KRT6C: variants seen among roughly 807,000 people sequenced by gnomAD.
KRT6C encodes keratin 6C, also known as keratin, type II cytoskeletal 6C.
Under a neutral mutation model 49.4 loss-of-function variants are expected in KRT6C, and 46 were observed. The observed-to-expected ratio is 0.93, with a 90% CI of 0.74 to 1.19. The LOEUF is 1.19. Ranked by LOEUF, KRT6C falls within the 50% of genes most tolerant of loss-of-function variation. The pLI is 0.00. For missense variants in KRT6C, 552 were observed against 737.5 expected (o/e 0.75, Z 2.91); for synonymous variants, 236 against 297.1 (o/e 0.79, Z 2.12).
chr12:52,469,536 T>A, intron 7 of KRT6C, 91 bp from the exon 8 acceptor site: 1 of 1,612,854 alleles, frequency 6.2e-7, no homozygotes, highest in South Asian at 1.1e-5. Flanking sequence ...GAAGAGTCCA[T>A]GGGAAACTGC....
intron 6 of KRT6C, 137 bp downstream of exon 6, chr12:52,470,368 C>G (rs1296791201): frequency 3.3e-6 from 5 of 1,503,474 alleles, no homozygotes; most frequent in Non-Finnish European, 4.6e-6. Context: ...TGAGTTCTCA[C>G]TGAGGGCAAG....
Position 52,473,731 on chromosome 12 carries a change from T to C in KRT6C, c.7A>G (p.Ser3Gly). The change falls in exon 1 of 9, where the codon AGC becomes GGC. Residue 3 changes from serine (S) to glycine (G), a missense_variant. This residue lies in a region of KRT6C where 73 missense variants were observed against 102.1 expected (regional missense o/e 0.71). Coordinates refer to ENST00000252250, the MANE Select transcript of KRT6C (RefSeq NM_173086.5). ...TGGCTCCTGATGGTGGTGGATGTGC[T>C]GGCCATGGTTCCAGGAGATGAGAGG... The part of the protein sequence containing the change: MA[S>G]TSTTIRSHSS... 6.2e-7 allele frequency: 1 copy of C among 1,613,954 alleles called. No homozygotes were observed. The highest frequency in any genetic ancestry group is 8.5e-7 in the Non-Finnish European group (1 of 1,180,006).
chr12:52,473,052 C>G (rs1221195575), intron 1 of KRT6C, 146 bp downstream of exon 1: 2 of 1,300,076 alleles, frequency 1.5e-6, no homozygotes, highest in East Asian at 2.5e-5. Context: ...TGTGCTGCCT[C>G]CTGTGCACCG....
Position 52,470,628 on chromosome 12 carries a change from G to C in KRT6C, c.1080C>G (p.Tyr360Ter). Residue 360 changes from tyrosine (Y) to a stop codon, truncating the protein, a stop_gained and splice_region_variant, in exon 6 of 9, where the codon TAC becomes TAG. Coordinates refer to ENST00000252250, the MANE Select transcript of KRT6C (RefSeq NM_173086.5). LOFTEE classifies it high-confidence loss of function. ...AEAESWYQTKYEELQVTAGRH... is the reference protein window; with the variant it reads ...AEAESWYQTK ...TGCCTGCTGTGACCTGCAGCTCCTCGTACTGCAGCCCAGAGGTGGAGAGAG... is the reference window on the plus strand; with the variant it reads ...TGCCTGCTGTGACCTGCAGCTCCTCCTACTGCAGCCCAGAGGTGGAGAGAG... 1 of 1,613,892 alleles carries C rather than the reference G, an allele frequency of 6.2e-7. No homozygotes were observed. The highest frequency in any genetic ancestry group is 1.1e-5 in the South Asian group (1 of 91,066).
In KRT6C at chr12:52,469,510, G is replaced by A. The variant is rs1937834115; in HGVS notation, c.1425-65C>T. The A allele has an allele frequency of 2.5e-6, 4 of 1,613,778 alleles. No homozygotes were observed. The Admixed American group carries it at 6.7e-5, about 27-fold the overall frequency. ...CTCTTCCTTCCCTGGACCAGTGTGG[G>A]CAGCCTCGGTGGGTGGAAGAGTCCA... On this transcript the variant is annotated intron_variant, in intron 7 of 8. Coordinates refer to ENST00000252250, the MANE Select transcript of KRT6C (RefSeq NM_173086.5).
At chr12:52,471,378 C>T in intron 4 of KRT6C, 43 bp downstream of exon 4, 1 of 1,614,100 alleles carries the variant, frequency 6.2e-7, no homozygotes, top group Non-Finnish European at 8.5e-7. Context: ...CTCCCCTTTG[C>T]AGACCCCATC....
At chr12:52,469,634 A>G (rs1465258607) in intron 7 of KRT6C, 36 bp downstream of exon 7, 1 of 1,613,978 alleles carries the variant, frequency 6.2e-7, no homozygotes, top group Admixed American at 1.7e-5. Context: ...TTGAAGATGG[A>G]CTCAGCTGTT....
At chr12:52,471,324 C>T (rs202047708) in intron 4 of KRT6C, 28 bp from the exon 5 acceptor site, 1 of 1,614,244 alleles carries the variant, frequency 6.2e-7, no homozygotes. Flanking sequence ...ATAAGATCAA[C>T]TTCACATCTG....
intron 6 of KRT6C, 77 bp from the exon 7 acceptor site, chr12:52,469,967 G>T: frequency 6.5e-7 from 1 of 1,530,290 alleles, no homozygotes; most frequent in Non-Finnish European, 9.0e-7. Context: ...GTGAACCAGG[G>T]TCCTGTAACC....
Position 52,469,049 on chromosome 12 carries a change from T to G in KRT6C, c.*13A>C, listed in dbSNP as rs1416891522. 2 of 1,614,028 alleles carry G rather than the reference T, an allele frequency of 1.2e-6. No homozygotes were observed. The highest frequency in any genetic ancestry group is 3.3e-5 in the Admixed American group (2 of 60,010). On this transcript the variant is annotated 3_prime_UTR_variant, in exon 9 of 9. Transcript: ENST00000252250. ...GCCTGAGGACTGTGGGACCGAGAGC[T>G]GGAGGCAGCACTTTAGTGCTTGTAG...
At chr12:52,470,706 A>G in intron 5 of KRT6C, 76 bp from the exon 6 acceptor site, 4 of 1,612,294 alleles carry the variant, frequency 2.5e-6, no homozygotes, top group Non-Finnish European at 3.4e-6. Flanking sequence ...CTTGTGTATC[A>G]TGCATGTCAT....
chr12:52,470,983 C>G, intron 5 of KRT6C, 149 bp downstream of exon 5: 1 of 1,420,826 alleles, frequency 7.0e-7, no homozygotes, highest in Non-Finnish European at 9.9e-7. Flanking sequence ...ACATAAGTTC[C>G]CCAAATGTCT....
Position 52,473,805 on chromosome 12 carries a change from C to G in KRT6C, c.-68G>C, listed in dbSNP as rs1424507126. The G allele has an allele frequency of 1.9e-6, 3 of 1,610,088 alleles. No homozygotes were observed. The highest frequency in any genetic ancestry group is 2.2e-5 in the East Asian group (1 of 44,836). ...GAGGCGAGAGGCAGGAGAAGCAGGA[C>G]AAGGAATCGGGCTCCAGCAGTAGCT... is the stretch of plus-strand genomic sequence containing the variant. On this transcript the variant is annotated 5_prime_UTR_variant, in exon 1 of 9. Coordinates refer to ENST00000252250, the MANE Select transcript of KRT6C (RefSeq NM_173086.5).
rs752877742 is a variant in KRT6C, at chr12:52,473,741, T to C, written c.-4A>G. ...TGGTGGTGGATGTGCTGGCCATGGT[T>C]CCAGGAGATGAGAGGGCTGTGGCGA... On this transcript the variant is annotated 5_prime_UTR_variant, in exon 1 of 9. Transcript: ENST00000252250. 28 of 1,613,838 alleles carry C rather than the reference T, an allele frequency of 1.7e-5. No homozygotes were observed. Among genetic ancestry groups the C allele is most frequent in the Admixed American group, 1.5e-4 (9 of 59,978 alleles).
chr12:52,470,725 C>T, intron 5 of KRT6C, 95 bp from the exon 6 acceptor site: 1 of 1,611,316 alleles, frequency 6.2e-7, no homozygotes, highest in Non-Finnish European at 8.5e-7. Context: ...ATGAAGTGGA[C>T]CTAATGGCTT....
At chr12:52,471,051 T>C (rs1467677673) in intron 5 of KRT6C, 81 bp downstream of exon 5, 1 of 1,611,166 alleles carries the variant, frequency 6.2e-7, no homozygotes, top group Non-Finnish European at 8.5e-7. Context: ...TGTCAGGGGA[T>C]GTCCCCAGTG....
At chr12:52,471,330 A>C (rs199510987) in intron 4 of KRT6C, 34 bp from the exon 5 acceptor site, 1 of 1,614,104 alleles carries the variant, frequency 6.2e-7, no homozygotes, top group South Asian at 1.1e-5. Flanking sequence ...TCAACTTCAC[A>C]TCTGACATTT....
Position 52,471,425 on chromosome 12 carries a change from T to C in KRT6C, c.908A>G (p.Asp303Gly), listed in dbSNP as rs1475594410. ...AAGGATGGTGGAGATGCTTACTGCA[T>C]CATACAAGGCTCTCAGGAAGTTGAT... is the stretch of plus-strand genomic sequence containing the variant. The part of the protein sequence containing the change: ...DEINFLRALY[D>G]AELSQMQTHI... The change falls in exon 4 of 9, where the codon GAT becomes GGT. Residue 303 changes from aspartate to glycine, a missense_variant. Coordinates refer to ENST00000252250, the MANE Select transcript of KRT6C (RefSeq NM_173086.5). 1.2e-6 allele frequency: 2 copies of C among 1,613,858 alleles called. No homozygotes were observed. Among genetic ancestry groups the C allele is most frequent in the Non-Finnish European group, 8.5e-7 (1 of 1,179,924 alleles).
In KRT6C at chr12:52,468,884, G is replaced by A. The variant is rs967245641; in HGVS notation, c.*178C>T. On this transcript the variant is annotated 3_prime_UTR_variant, in exon 9 of 9. Coordinates refer to ENST00000252250, the MANE Select transcript of KRT6C (RefSeq NM_173086.5). ...AGGTTGATCTGATGGTGAGCAATGGGTGCTCAGATGGGGCAGGTATAGACA... is the reference window on the plus strand; with the variant it reads ...AGGTTGATCTGATGGTGAGCAATGGATGCTCAGATGGGGCAGGTATAGACA... 7.4e-5 allele frequency: 51 copies of A among 693,684 alleles called. No homozygotes were observed. Among genetic ancestry groups the A allele is most frequent in the Non-Finnish European group, 5.4e-5 (22 of 409,670 alleles). The allele number at this position is 693,684 out of a possible 1,614,324, so 43.0% of individuals were successfully genotyped here. A position where few individuals can be genotyped will look rare whatever the true frequency, so the allele number is the denominator to read the frequency against.
Sources: allele counts gnomAD v4.1 joint callset, GRCh38; gene constraint gnomAD v4.1.1; regional missense constraint gnomAD v4.1.1; transcripts MANE v1.5; gene names NCBI Gene and HGNC (gene_info 2026-07-23, HGNC 2026-07-21).